Variants in SPATA1 observed in about 807,000 individuals in gnomAD.
The protein encoded by SPATA1 is spermatogenesis-associated protein 1.
In SPATA1, 57 loss-of-function variants were observed where a neutral mutation model predicts 59.6. The observed-to-expected ratio is 0.96, with a 90% CI of 0.77 to 1.19. The LOEUF is 1.19. Among genes scored for constraint, SPATA1 ranks in the 50% most tolerant of loss-of-function variants. The pLI is 0.00. For synonymous variants in SPATA1, 147 were observed against 163.9 expected (o/e 0.90, Z 0.79); for missense variants, 448 against 480.7 (o/e 0.93, Z 0.64).
At chr1:84,517,092 T>A (rs1345255608) in intron 2 of SPATA1, among the ~76,000 whole-genome samples, 2 of 152,208 alleles carry the variant, frequency 1.3e-5, no homozygotes, top group East Asian at 3.8e-4. Flanking sequence ...TTACTAAATC[T>A]GTTGGTTAAT....
chr1:84,557,332 AG>A (rs1167497494), downstream of SPATA1, among the ~76,000 whole-genome samples: 2 of 152,122 alleles, frequency 1.3e-5, no homozygotes, highest in African/African-American at 2.4e-5. Context: ...CAGGAGTTCA[AG>A]ACCAGCCTGG....
chr1:84,554,441 T>C (rs1382469698), exon 13 of SPATA1: 1 of 152,294 alleles, frequency 6.6e-6, no homozygotes, highest in Non-Finnish European at 1.5e-5. Context: ...AAAGATTTAG[T>C]TCAAGTACCT....
intron 9 of SPATA1, 113 bp from the exon 10 acceptor site, chr1:84,545,521 T>A: frequency 8.2e-7 from 1 of 1,216,046 alleles, no homozygotes; most frequent in Non-Finnish European, 1.1e-6. Flanking sequence ...CAGTTTGGGA[T>A]AAAATTTATT....
chr1:84,513,172 T>G (rs2101915590), intron 1 of SPATA1, among the ~76,000 whole-genome samples: 1 of 152,308 alleles, frequency 6.6e-6, no homozygotes, highest in East Asian at 1.9e-4. Context: ...CAGGCTAGAG[T>G]GCAATGGCAC....
intron 8 of SPATA1, among the ~76,000 whole-genome samples, chr1:84,543,490 G>T (rs908581246): frequency 3.9e-5 from 6 of 152,144 alleles, no homozygotes; most frequent in African/African-American, 1.4e-4. Context: ...GGAAGGCAAA[G>T]GGGGAGCAAG....
chr1:84,542,366 C>G (rs1365415113), intron 8 of SPATA1, among the ~76,000 whole-genome samples: 1 of 152,114 alleles, frequency 6.6e-6, no homozygotes, highest in Non-Finnish European at 1.5e-5. Flanking sequence ...TCTTACCAAA[C>G]TGGCTCCCAA....
chr1:84,555,012 A>T, downstream of SPATA1: 1 of 1,613,742 alleles, frequency 6.2e-7, no homozygotes, highest in Non-Finnish European at 8.5e-7. Flanking sequence ...TCTCTGTAAC[A>T]GCTTTGGCTT....
At chr1:84,535,961 C>G (rs1683661143) in intron 8 of SPATA1, among the ~76,000 whole-genome samples, 1 of 152,118 alleles carries the variant, frequency 6.6e-6, no homozygotes, top group African/African-American at 2.4e-5. Flanking sequence ...AGACCTAGAA[C>G]CTGCTCCTCC....
chr1:84,549,088 A>AT, intron 11 of SPATA1, 124 bp downstream of exon 11: 1 of 964,850 alleles, frequency 1.0e-6, no homozygotes, highest in South Asian at 3.0e-5. Context: ...AAAACAATAA[A>AT]AAAACTCATG....
At chr1:84,526,273 A>G (rs1683220319) in intron 6 of SPATA1, 200 bp downstream of exon 6, 1 of 463,622 alleles carries the variant, frequency 2.2e-6, no homozygotes, top group East Asian at 3.3e-5. Context: ...TACTATGTTA[A>G]AATAAAAACA....
chr1:84,530,272 G>A (rs988929575), intron 6 of SPATA1, among the ~76,000 whole-genome samples: 1 of 152,146 alleles, frequency 6.6e-6, no homozygotes, highest in Non-Finnish European at 1.5e-5. Flanking sequence ...ATCTCCAGAA[G>A]GCCTCCTTCT....
At chr1:84,510,965 T>C (rs541284212) in intron 1 of SPATA1, among the ~76,000 whole-genome samples, 97 of 152,194 alleles carry the variant, frequency 6.4e-4, no homozygotes, top group African/African-American at 2.2e-3. Flanking sequence ...ATTGAAACAG[T>C]TGAACTCATG....
intron 8 of SPATA1, among the ~76,000 whole-genome samples, chr1:84,540,586 A>G (rs1683866106): frequency 6.6e-6 from 1 of 152,230 alleles, no homozygotes; most frequent in African/African-American, 2.4e-5. Flanking sequence ...TGTACTGTTC[A>G]CGTAGTCTTA....
At chr1:84,565,963 T>C (rs1684692108) in exon 5 of SPATA1, 1 of 1,594,572 alleles carries the variant, frequency 6.3e-7, no homozygotes, top group Non-Finnish European at 8.5e-7. Context: ...AGTATAATTA[T>C]AGCATCTTCT....
chr1:84,563,545 G>C, intron 4 of SPATA1: 1 of 722,342 alleles, frequency 1.4e-6, no homozygotes, highest in East Asian at 3.3e-5. Flanking sequence ...ACAGAAAAAA[G>C]GTTAAAATAA....
intron 12 of SPATA1, chr1:84,551,091 A>C (rs1684256677): frequency 1.0e-6 from 1 of 985,328 alleles, no homozygotes; most frequent in Non-Finnish European, 1.2e-6. Context: ...TTTGGTGAGA[A>C]TTGTGTACAA....
chr1:84,541,214 A>G lies in SPATA1; in HGVS notation c.718-2988A>G, dbSNP rs1358422777. ...AATTGTAGGTCAGATTTTTCTAGGT[A>G]CACAGTGGGCCCTTTCAATATGAAA... On this transcript the variant is annotated intron_variant, in intron 8 of 12. Transcript: ENST00000490879. 5.3e-5 allele frequency among the ~76,000 whole-genome samples: 8 copies of G among 152,336 alleles called. No homozygotes were observed. In the East Asian group the frequency reaches 1.5e-3, roughly 29 times the overall value.
intron 6 of SPATA1, chr1:84,527,499 G>C (rs1288939928): frequency 6.6e-6 from 1 of 151,808 alleles, no homozygotes; most frequent in East Asian, 1.9e-4. Flanking sequence ...CTACTACTTA[G>C]AATTCTGATG....
intron 3 of SPATA1, among the ~76,000 whole-genome samples, chr1:84,521,856 C>T (rs1376631930): frequency 6.6e-6 from 1 of 152,106 alleles, no homozygotes; most frequent in African/African-American, 2.4e-5. Flanking sequence ...CCTAATATTT[C>T]TCATAAGGTC....
Sources: gnomAD v4.1 joint callset for allele counts (sites outside exome capture counted in the v4.1 genomes callset) on GRCh38, gnomAD v4.1.1 for gene constraint, MANE v1.5 for transcripts, NCBI Gene and HGNC (gene_info 2026-07-23, HGNC 2026-07-21) for gene names.